Variants in ENTREP1 observed in about 807,000 individuals in gnomAD.
The protein encoded by ENTREP1 is Friedreich ataxia region gene X123.
At chr9:69,340,666 C>CATGTGTGTGTGGAT in the ENTREP1 span, among the ~76,000 whole-genome samples, 3 of 108,650 alleles carry the variant, frequency 2.8e-5, no homozygotes, top group Non-Finnish European at 5.5e-5. Flanking sequence ...TGTGTGTGTG[C>CATGTGTGTGTGGAT]GTGTGTGTGT....
chr9:69,369,738 A>G, the ENTREP1 span, among the ~76,000 whole-genome samples: 1 of 152,024 alleles, frequency 6.6e-6, no homozygotes, highest in African/African-American at 2.4e-5. Context: ...TAACCATTCT[A>G]GTTGGTGTGA....
chr9:69,350,497 C>T, the ENTREP1 span, among the ~76,000 whole-genome samples: 1 of 152,176 alleles, frequency 6.6e-6, no homozygotes, highest in Admixed American at 6.5e-5. Context: ...CTAGTCTGGA[C>T]TTAATTGTTT....
the ENTREP1 span, chr9:69,329,371 A>C: frequency 1.0e-6 from 1 of 967,590 alleles, no homozygotes; most frequent in African/African-American, 1.8e-5. Context: ...GTTCAAGGAT[A>C]TTTTTTCATA....
chr9:69,371,658 T>C, the ENTREP1 span: 2 of 1,249,352 alleles, frequency 1.6e-6, no homozygotes, highest in Non-Finnish European at 2.4e-6. Context: ...CCCTGGCTTG[T>C]CAGGTGTTCC....
chr9:69,333,858 G>A, the ENTREP1 span, among the ~76,000 whole-genome samples: 2 of 152,254 alleles, frequency 1.3e-5, no homozygotes, highest in South Asian at 2.1e-4. Context: ...TGCACAGAGG[G>A]ATACACACAT....
the ENTREP1 span, among the ~76,000 whole-genome samples, chr9:69,342,640 T>G: frequency 6.6e-6 from 1 of 152,246 alleles, no homozygotes; most frequent in East Asian, 1.9e-4. Flanking sequence ...ATGATCTAAT[T>G]TGTACGCTCA....
chr9:69,384,460 C>T, the ENTREP1 span, among the ~76,000 whole-genome samples: 1 of 152,184 alleles, frequency 6.6e-6, no homozygotes, highest in African/African-American at 2.4e-5. Context: ...CTATGATTTT[C>T]TTCCTCCTAT....
chr9:69,353,418 A>G, the ENTREP1 span, among the ~76,000 whole-genome samples: 288 of 152,346 alleles, frequency 1.9e-3, no homozygotes, highest in African/African-American at 6.4e-3. Flanking sequence ...TGCTGTCTCT[A>G]CATAAATAGA....
chr9:69,333,916 T>G, the ENTREP1 span, among the ~76,000 whole-genome samples: 36 of 152,244 alleles, frequency 2.4e-4, 3 homozygotes, highest in East Asian at 5.6e-3. Context: ...CACACATACA[T>G]GCACAAGCAT....
At chr9:69,367,599 T>TTATA in the ENTREP1 span, among the ~76,000 whole-genome samples, 9 of 132,762 alleles carry the variant, frequency 6.8e-5, no homozygotes, top group South Asian at 2.3e-4. Context: ...CCTGGGTGTT[T>TTATA]TATATATATA....
chr9:69,351,449 C>G, the ENTREP1 span, among the ~76,000 whole-genome samples: 2 of 151,992 alleles, frequency 1.3e-5, no homozygotes, highest in African/African-American at 2.4e-5. Flanking sequence ...CCAAGTTTCA[C>G]TCTGTCCCCC....
the ENTREP1 span, among the ~76,000 whole-genome samples, chr9:69,366,102 A>G: frequency 6.6e-6 from 1 of 152,160 alleles, no homozygotes. Context: ...AGGAATCTCC[A>G]TACTGTGTTT....
the ENTREP1 span, among the ~76,000 whole-genome samples, chr9:69,338,871 T>A: frequency 6.6e-6 from 1 of 152,198 alleles, no homozygotes; most frequent in Non-Finnish European, 1.5e-5. Context: ...ACTTAGAAGG[T>A]CGCATAGAGA....
the ENTREP1 span, among the ~76,000 whole-genome samples, chr9:69,338,933 G>T: frequency 6.6e-6 from 1 of 152,204 alleles, no homozygotes; most frequent in South Asian, 2.1e-4. Context: ...AAATTAATTT[G>T]TAGGGATTCT....
At chr9:69,340,858 G>A in the ENTREP1 span, among the ~76,000 whole-genome samples, 2 of 152,004 alleles carry the variant, frequency 1.3e-5, no homozygotes, top group Non-Finnish European at 2.9e-5. Context: ...TTTCCATAAA[G>A]AGCTAACATT....
chr9:69,388,322 T>A, the ENTREP1 span: 1 of 1,613,902 alleles, frequency 6.2e-7, no homozygotes, highest in Non-Finnish European at 8.5e-7. Flanking sequence ...GGTGGCGAGG[T>A]TCCTGGAGCA....
the ENTREP1 span, among the ~76,000 whole-genome samples, chr9:69,367,744 C>T: frequency 3.4e-4 from 34 of 98,672 alleles, no homozygotes; most frequent in East Asian, 1.7e-3. Flanking sequence ...TATATATACA[C>T]ATATATAAAT....
At chr9:69,391,366 G>A in the ENTREP1 span, among the ~76,000 whole-genome samples, 32 of 152,314 alleles carry the variant, frequency 2.1e-4, no homozygotes, top group African/African-American at 6.5e-4. Context: ...AAATTGCAAC[G>A]GACAAACCAG....
At chr9:69,340,757 G>GTA in the ENTREP1 span, among the ~76,000 whole-genome samples, 9 of 84,054 alleles carry the variant, frequency 1.1e-4, no homozygotes, top group Non-Finnish European at 2.0e-4. Flanking sequence ...TTGTGTGTGT[G>GTA]CGTGCATGTG....
Sources: allele counts gnomAD v4.1 joint callset (sites outside exome capture counted in the v4.1 genomes callset), GRCh38; gene constraint gnomAD v4.1.1; transcripts MANE v1.5; gene names NCBI Gene and HGNC (gene_info 2026-07-23, HGNC 2026-07-21).